SAMMSON: variants seen among roughly 807,000 people sequenced by gnomAD.
SAMMSON encodes the protein long intergenic non-protein coding RNA 1212.
At chr3:70,394,867 T>C (rs571481539) in intron 2 of SAMMSON, among the ~76,000 whole-genome samples, 23 of 152,312 alleles carry the variant, frequency 1.5e-4, no homozygotes, top group African/African-American at 5.3e-4. Flanking sequence ...AAATGCAGCA[T>C]TGTAAAACAA....
intron 4 of SAMMSON, among the ~76,000 whole-genome samples, chr3:70,135,400 A>G (rs574872640): frequency 1.3e-5 from 2 of 152,320 alleles, no homozygotes; most frequent in African/African-American, 4.8e-5. Flanking sequence ...TTATAGCCTC[A>G]GGAATAAACA....
intron 1 of SAMMSON, among the ~76,000 whole-genome samples, chr3:70,006,633 C>G (rs778152452): frequency 1.3e-5 from 2 of 152,042 alleles, no homozygotes; most frequent in East Asian, 1.9e-4. Flanking sequence ...ACCCTAAGAC[C>G]TTTCCTGTTT....
Position 70,256,984 on chromosome 3 carries a change from C to T in SAMMSON, n.674+7314C>T, listed in dbSNP as rs76530618. On this transcript the variant is annotated intron_variant and non_coding_transcript_variant, in intron 6 of 9. Coordinates refer to ENST00000642114, the Ensembl canonical transcript of SAMMSON. ...AGGAAAAGCCCGACTATGGGCTGAG[C>T]GAAGGAGAGGAGGGCAAGTCCAGTG... Among the ~76,000 whole-genome samples, 1,084 of 152,010 alleles carry T rather than the reference C, an allele frequency of 7.1e-3. 11 individuals carry two copies. The highest frequency in any genetic ancestry group is 0.025 in the African/African-American group (1,042 of 41,456).
At chr3:70,359,045 C>G (rs1194670469) in intron 9 of SAMMSON, among the ~76,000 whole-genome samples, 1 of 152,082 alleles carries the variant, frequency 6.6e-6, no homozygotes, top group Non-Finnish European at 1.5e-5. Flanking sequence ...CCCCCAGCCC[C>G]CAACACACAT....
rs751486753 is a variant in SAMMSON at position 70,250,409 on chromosome 3, TCTCACACACACACA to T, written n.674+741_674+754del. On this transcript the variant is annotated intron_variant and non_coding_transcript_variant, in intron 6 of 9. Transcript: ENST00000642114. ...TATTCGGTATTTTTCTTTTAATGAATCTCACACACACACACACACACACACACACACACACACAC... is the reference window on the plus strand; with the variant it reads ...TATTCGGTATTTTTCTTTTAATGAATCACACACACACACACACACACACAC... Among the ~76,000 whole-genome samples the T allele has an allele frequency of 6.9e-4, 87 of 126,346 alleles. 2 individuals are homozygous for T. In the Middle Eastern group the frequency reaches 0.015, roughly 21 times the overall value. 82.9% of individuals were successfully genotyped at this position (126,346 alleles called of 152,430 possible).
intron 7 of SAMMSON, among the ~76,000 whole-genome samples, chr3:70,346,249 A>T (rs969045093): frequency 6.7e-6 from 1 of 149,268 alleles, no homozygotes; most frequent in African/African-American, 2.5e-5. Flanking sequence ...ATCTTTTCAT[A>T]TGTTTATTTG....
chr3:70,107,807 G>A (rs1468358766), intron 4 of SAMMSON, among the ~76,000 whole-genome samples: 2 of 151,790 alleles, frequency 1.3e-5, no homozygotes, highest in Non-Finnish European at 2.9e-5. Flanking sequence ...TGCAATGAAG[G>A]GACCCAGATA....
chr3:70,103,369 A>G (rs932879864), intron 4 of SAMMSON, among the ~76,000 whole-genome samples: 2 of 152,200 alleles, frequency 1.3e-5, no homozygotes, highest in African/African-American at 4.8e-5. Context: ...AATGTTTCCC[A>G]GTTTACATAA....
intron 7 of SAMMSON, among the ~76,000 whole-genome samples, chr3:70,306,446 T>G (rs1702401645): frequency 6.6e-6 from 1 of 152,162 alleles, no homozygotes; most frequent in Non-Finnish European, 1.5e-5. Flanking sequence ...ATTGAAGTCG[T>G]CATGTGACTG....
intron 3 of SAMMSON, among the ~76,000 whole-genome samples, chr3:70,035,228 T>C (rs963562000): frequency 6.6e-6 from 1 of 152,098 alleles, no homozygotes; most frequent in Non-Finnish European, 1.5e-5. Context: ...TCAGCCCTAT[T>C]CCTTAGGGCT....
At chr3:70,112,928 A>G (rs1261445013) in intron 4 of SAMMSON, among the ~76,000 whole-genome samples, 1 of 152,194 alleles carries the variant, frequency 6.6e-6, no homozygotes, top group African/African-American at 2.4e-5. Flanking sequence ...GCCAAAACTC[A>G]CAGGAACATA....
At chr3:70,026,332 G>T (rs1248607957) in intron 3 of SAMMSON, among the ~76,000 whole-genome samples, 3 of 152,070 alleles carry the variant, frequency 2.0e-5, no homozygotes, top group Non-Finnish European at 4.4e-5. Flanking sequence ...TGAAGGTCAG[G>T]AATTAATTTA....
At chr3:70,370,276 GGA>G (rs1383031634) in intron 9 of SAMMSON, among the ~76,000 whole-genome samples, 3 of 151,996 alleles carry the variant, frequency 2.0e-5, no homozygotes, top group Non-Finnish European at 4.4e-5. Context: ...ATAAACATGT[GGA>G]TGTAGGTATC....
At chr3:70,315,745 G>T (rs1030785892) in intron 7 of SAMMSON, among the ~76,000 whole-genome samples, 1 of 152,054 alleles carries the variant, frequency 6.6e-6, no homozygotes, top group Non-Finnish European at 1.5e-5. Context: ...TGATGGCTGG[G>T]AGTAAAGAGA....
intron 2 of SAMMSON, among the ~76,000 whole-genome samples, chr3:70,432,954 A>G (rs1417707610): frequency 6.6e-6 from 1 of 152,036 alleles, no homozygotes; most frequent in Non-Finnish European, 1.5e-5. Context: ...ATTCAGCAAT[A>G]TGCATTTAAG....
intron 7 of SAMMSON, among the ~76,000 whole-genome samples, chr3:70,324,199 C>CATCTATCT (rs56024776): frequency 0.033 from 2,942 of 90,266 alleles, 51 homozygotes; most frequent in South Asian, 0.067. Flanking sequence ...ATCTATCTAT[C>CATCTATCT]ATCTATCTAT....
chr3:70,429,774 T>A (rs535068486), intron 2 of SAMMSON, among the ~76,000 whole-genome samples: 2 of 152,326 alleles, frequency 1.3e-5, no homozygotes, highest in South Asian at 4.1e-4. Flanking sequence ...TGTCTACTAC[T>A]GGTGTATAGG....
chr3:70,432,797 C>T (rs373125411), intron 2 of SAMMSON, among the ~76,000 whole-genome samples: 5 of 151,974 alleles, frequency 3.3e-5, no homozygotes, highest in African/African-American at 4.8e-5. Flanking sequence ...AAAAATACCC[C>T]GTGCTCCACC....
chr3:70,036,559 T>C (rs566398787), intron 3 of SAMMSON, among the ~76,000 whole-genome samples: 11 of 152,318 alleles, frequency 7.2e-5, no homozygotes, highest in Non-Finnish European at 1.5e-4. Context: ...ACTTTTGTTC[T>C]AGCTTTGCAG....
Sources: allele counts gnomAD v4.1 joint callset (sites outside exome capture counted in the v4.1 genomes callset), GRCh38; gene constraint gnomAD v4.1.1; transcripts MANE v1.5; gene names NCBI Gene and HGNC (gene_info 2026-07-23, HGNC 2026-07-21).